Variants in SDHC observed in about 807,000 individuals in gnomAD.
SDHC encodes succinate dehydrogenase complex subunit C.
In SDHC, 11 loss-of-function variants were observed where a neutral mutation model predicts 22.6. That is an observed-to-expected ratio of 0.49 (90% confidence interval 0.31 to 0.81). The LOEUF (loss-of-function observed/expected upper bound fraction) is 0.81, where lower values mean the gene tolerates loss of function less well. Ranked by LOEUF, SDHC falls within the 30% of genes least tolerant of loss-of-function variation. SDHC has a pLI of 0.05. For synonymous variants in SDHC, 80 were observed against 77.8 expected (o/e 1.03, Z -0.15); for missense variants, 160 against 212.0 (o/e 0.75, Z 1.52).
chr1:161,340,998 C>CA (rs759066606), intron 4 of SDHC, among the ~76,000 whole-genome samples: 12 of 152,112 alleles, frequency 7.9e-5, no homozygotes, highest in Non-Finnish European at 1.6e-4. Context: ...CATGTGCCAC[C>CA]ACGCCTGGCT....
At chr1:161,360,087 G>C (rs898757724) in intron 5 of SDHC, among the ~76,000 whole-genome samples, 1 of 150,700 alleles carries the variant, frequency 6.6e-6, no homozygotes, top group Admixed American at 6.6e-5. Flanking sequence ...AATTTAGGCA[G>C]TTTTACATTC....
intron 4 of SDHC, among the ~76,000 whole-genome samples, chr1:161,342,901 A>G: frequency 6.6e-6 from 1 of 152,150 alleles, no homozygotes; most frequent in East Asian, 1.9e-4. Context: ...GTTTTACCTT[A>G]TGTAAAGCTC....
intron 1 of SDHC, among the ~76,000 whole-genome samples, chr1:161,318,658 G>A (rs951133698): frequency 6.6e-6 from 1 of 152,108 alleles, no homozygotes; most frequent in Admixed American, 6.5e-5. Context: ...TTTAAAATAA[G>A]CATATTCATT....
chr1:161,332,475 C>G (rs1016992250), intron 3 of SDHC, among the ~76,000 whole-genome samples: 1 of 152,154 alleles, frequency 6.6e-6, no homozygotes, highest in African/African-American at 2.4e-5. Context: ...CTAATTTCCT[C>G]CTGAGCCTTT....
chr1:161,357,068 T>A (rs1672308536), intron 5 of SDHC, among the ~76,000 whole-genome samples: 1 of 151,612 alleles, frequency 6.6e-6, no homozygotes, highest in Non-Finnish European at 1.5e-5. Flanking sequence ...GTAGTTGGCG[T>A]TATAGACGCA....
At chr1:161,327,049 C>G in intron 2 of SDHC, among the ~76,000 whole-genome samples, 1 of 152,166 alleles carries the variant, frequency 6.6e-6, no homozygotes, top group Non-Finnish European at 1.5e-5. Context: ...CTCAGCCTCC[C>G]GAGTAACTGG....
rs143920320 is a variant in SDHC, at chr1:161,330,623, G to A, written c.179+2126G>A. ...CCTCTTTTTTGTCTGTAGAAATTTC[G>A]GGGTATGACAGTCTTCTTTTCATCT... On this transcript the variant is annotated intron_variant, in intron 3 of 5. Transcript: ENST00000367975. Among the ~76,000 whole-genome samples the A allele has an allele frequency of 2.0e-3, 302 of 152,244 alleles. 1 individual carries two copies. The highest frequency in any genetic ancestry group is 6.8e-3 in the African/African-American group (282 of 41,556).
intron 1 of SDHC, among the ~76,000 whole-genome samples, chr1:161,317,360 T>G (rs193103588): frequency 2.0e-5 from 3 of 151,976 alleles, no homozygotes; most frequent in Admixed American, 1.3e-4. Flanking sequence ...CTTAAAAAAT[T>G]TTTTTATTTA....
rs533976700 is a variant in SDHC, at chr1:161,316,210, A to C, written c.20+1785A>C. Among the ~76,000 whole-genome samples the C allele has an allele frequency of 3.9e-5, 6 of 151,970 alleles. No homozygotes were observed. The East Asian group carries it at 1.2e-3, about 29-fold the overall frequency. ...AGAGGCGTTCCTTCCTCTTTTGCTA[A>C]TCCTCTTCAGCACAGACCCTTTACG... On this transcript the variant is annotated intron_variant, in intron 1 of 5. Coordinates refer to ENST00000367975, the MANE Select transcript of SDHC (RefSeq NM_003001.5).
intron 2 of SDHC, among the ~76,000 whole-genome samples, chr1:161,325,666 C>T (rs1375365531): frequency 6.6e-6 from 1 of 152,084 alleles, no homozygotes; most frequent in Non-Finnish European, 1.5e-5. Context: ...CAACCTAGCC[C>T]AGTGACAAAG....
chr1:161,316,215 C>G (rs1670608443), intron 1 of SDHC, among the ~76,000 whole-genome samples: 1 of 152,070 alleles, frequency 6.6e-6, no homozygotes, highest in South Asian at 2.1e-4. Flanking sequence ...TGCTAATCCT[C>G]TTCAGCACAG....
At chr1:161,335,623 C>T (rs1671450850) in intron 3 of SDHC, among the ~76,000 whole-genome samples, 1 of 152,106 alleles carries the variant, frequency 6.6e-6, no homozygotes, top group African/African-American at 2.4e-5. Flanking sequence ...TTCAAATTGT[C>T]TCAGACCTGG....
chr1:161,355,250 A>G (rs1672230364), intron 4 of SDHC, among the ~76,000 whole-genome samples: 1 of 152,208 alleles, frequency 6.6e-6, no homozygotes, highest in African/African-American at 2.4e-5. Context: ...GCACCTGTTC[A>G]TGCACTGATT....
intron 4 of SDHC, among the ~76,000 whole-genome samples, chr1:161,342,036 T>C (rs12135397): frequency 3.3e-4 from 51 of 152,342 alleles, no homozygotes; most frequent in Non-Finnish European, 5.3e-4. Flanking sequence ...ATTTTTTGGC[T>C]CTAGAAGTAT....
chr1:161,319,578 C>T (rs1231596718), intron 1 of SDHC, among the ~76,000 whole-genome samples: 1 of 152,012 alleles, frequency 6.6e-6, no homozygotes, highest in Admixed American at 6.6e-5. Context: ...ACCCGGGTAG[C>T]TGGCATTACA....
chr1:161,339,659 G>GTT, intron 3 of SDHC: 1 of 119,930 alleles, frequency 8.3e-6, no homozygotes, highest in Non-Finnish European at 1.6e-5. Context: ...TCCTGATACA[G>GTT]GTGTTTTTTT....
intron 4 of SDHC, among the ~76,000 whole-genome samples, chr1:161,343,960 C>T (rs2102342967): frequency 6.6e-6 from 1 of 152,068 alleles, no homozygotes; most frequent in Middle Eastern, 3.4e-3. Context: ...ACCTGTAATC[C>T]CAGCACTTTG....
intron 1 of SDHC, among the ~76,000 whole-genome samples, chr1:161,321,586 C>T (rs192401778): frequency 4.8e-4 from 73 of 152,308 alleles, no homozygotes; most frequent in African/African-American, 1.7e-3. Flanking sequence ...GATTTGTTCC[C>T]ACTTCTTTCT....
intron 5 of SDHC, among the ~76,000 whole-genome samples, chr1:161,359,863 C>T (rs1293682772): frequency 1.3e-5 from 2 of 152,052 alleles, no homozygotes; most frequent in African/African-American, 4.8e-5. Context: ...GGGTCTGTGG[C>T]ATTCTAGGGA....
Sources: gnomAD v4.1 joint callset for allele counts (sites outside exome capture counted in the v4.1 genomes callset) on GRCh38, gnomAD v4.1.1 for gene constraint, MANE v1.5 for transcripts, NCBI Gene and HGNC (gene_info 2026-07-23, HGNC 2026-07-21) for gene names.